Variants in KALRN observed in about 807,000 individuals in gnomAD.
KALRN encodes kalirin RhoGEF kinase.
Under a neutral mutation model 353.7 loss-of-function variants are expected in KALRN, and 70 were observed. That is an observed-to-expected ratio of 0.20 (90% CI 0.16 to 0.24). KALRN has a LOEUF of 0.24. Ranked by LOEUF, KALRN falls within the 10% of genes least tolerant of loss-of-function variation. The probability of loss-of-function intolerance (pLI) is 1.00; values close to 1 mark genes in which losing one functional copy is unlikely to be tolerated. For missense variants in KALRN, 2,791 were observed against 3,756.7 expected (o/e 0.74, Z 6.72); for synonymous variants, 1,391 against 1,434.8 (o/e 0.97, Z 0.69).
intron 11 of KALRN, among the ~76,000 whole-genome samples, chr3:124,392,779 A>AT (rs1426612136): frequency 9.3e-5 from 13 of 140,272 alleles, no homozygotes; most frequent in Admixed American, 2.2e-4. Flanking sequence ...TAATTTTTGT[A>AT]TTTTTTTTTA....
At chr3:124,622,689 T>G (rs113401312) in intron 34 of KALRN, among the ~76,000 whole-genome samples, 2,119 of 152,272 alleles carry the variant, frequency 0.014, 54 homozygotes, top group African/African-American at 0.048. Context: ...CTATTAGAAT[T>G]ATCTTCTTTT....
chr3:124,454,620 C>G (rs78106643), intron 21 of KALRN, among the ~76,000 whole-genome samples: 1 of 152,028 alleles, frequency 6.6e-6, no homozygotes, highest in African/African-American at 2.4e-5. Context: ...ATCAGCCCTC[C>G]GTATCTACAG....
At chr3:124,372,769 C>T (rs940540388) in intron 10 of KALRN, among the ~76,000 whole-genome samples, 3 of 152,184 alleles carry the variant, frequency 2.0e-5, no homozygotes, top group Non-Finnish European at 4.4e-5. Context: ...CTATAACCCA[C>T]AGTTACTATT....
intron 27 of KALRN, among the ~76,000 whole-genome samples, chr3:124,479,944 C>T (rs948598507): frequency 2.6e-5 from 4 of 152,042 alleles, no homozygotes; most frequent in African/African-American, 4.8e-5. Context: ...AGGATGGTCT[C>T]GATCTCCTGA....
intron 35 of KALRN, 151 bp from the exon 36 acceptor site, chr3:124,633,701 C>T (rs2081045999): frequency 3.2e-6 from 2 of 619,166 alleles, no homozygotes; most frequent in Non-Finnish European, 5.8e-6. Flanking sequence ...GCAGGTGTAT[C>T]CATGTATCAA....
chr3:124,664,358 T>TGCGCGC (rs1381474899), intron 45 of KALRN, among the ~76,000 whole-genome samples: 2 of 123,116 alleles, frequency 1.6e-5, no homozygotes, highest in Admixed American at 8.4e-5. Context: ...TGTGTGTGTG[T>TGCGCGC]GTGTGTGTGT....
At chr3:124,588,848 A>G (rs1053577733) in intron 34 of KALRN, among the ~76,000 whole-genome samples, 2 of 152,174 alleles carry the variant, frequency 1.3e-5, no homozygotes, top group African/African-American at 2.4e-5. Flanking sequence ...ATACTTGTTT[A>G]TTGCTGTATC....
chr3:124,482,424 T>C (rs1156759942), intron 27 of KALRN, among the ~76,000 whole-genome samples: 1 of 152,204 alleles, frequency 6.6e-6, no homozygotes, highest in Non-Finnish European at 1.5e-5. Flanking sequence ...CTGCCTTCCC[T>C]GTACTCTCAT....
chr3:124,571,908 G>A (rs1165586037), intron 34 of KALRN, among the ~76,000 whole-genome samples: 1 of 151,850 alleles, frequency 6.6e-6, no homozygotes, highest in African/African-American at 2.4e-5. Flanking sequence ...GATTACAGGT[G>A]TGAGCCACTG....
At chr3:124,174,609 C>T (rs1664262459) in intron 1 of KALRN, among the ~76,000 whole-genome samples, 1 of 152,164 alleles carries the variant, frequency 6.6e-6, no homozygotes, top group Non-Finnish European at 1.5e-5. Flanking sequence ...GGCAAGGTGC[C>T]CAGAAGTCCT....
At chr3:124,428,144 G>A (rs184430621) in intron 15 of KALRN, among the ~76,000 whole-genome samples, 53 of 152,272 alleles carry the variant, frequency 3.5e-4, no homozygotes, top group African/African-American at 1.1e-3. Flanking sequence ...GAACCTGGAA[G>A]ATTAAAAATA....
intron 33 of KALRN, chr3:124,518,608 T>A: frequency 6.5e-7 from 1 of 1,539,568 alleles, no homozygotes; most frequent in Non-Finnish European, 8.7e-7. Flanking sequence ...GAGGGCAACA[T>A]GTTCCAAGCA....
intron 19 of KALRN, 150 bp downstream of exon 19, chr3:124,442,209 TG>T: frequency 2.0e-6 from 1 of 494,840 alleles, no homozygotes; most frequent in Non-Finnish European, 3.6e-6. Context: ...TGGGCAGTAA[TG>T]ATTCATGGTC....
intron 34 of KALRN, among the ~76,000 whole-genome samples, chr3:124,630,459 C>T (rs1330786170): frequency 1.3e-5 from 2 of 152,036 alleles, no homozygotes; most frequent in African/African-American, 2.4e-5. Context: ...TGCAGTGGTG[C>T]GATCTTGGCT....
chr3:124,684,494 C>A (rs1222765956), intron 51 of KALRN, among the ~76,000 whole-genome samples: 4 of 152,158 alleles, frequency 2.6e-5, no homozygotes, highest in Non-Finnish European at 5.9e-5. Context: ...GAACAGGAGT[C>A]AAAAACCTGG....
At chr3:124,261,436 C>G (rs192362956) in intron 3 of KALRN, among the ~76,000 whole-genome samples, 2 of 152,304 alleles carry the variant, frequency 1.3e-5, no homozygotes. Context: ...TTACTTGAAA[C>G]CAAACACACA....
intron 1 of KALRN, among the ~76,000 whole-genome samples, chr3:124,113,057 G>A (rs921754285): frequency 2.0e-5 from 3 of 152,214 alleles, no homozygotes; most frequent in African/African-American, 4.8e-5. Flanking sequence ...GTCAAGCCCA[G>A]TGACGAGGTT....
intron 8 of KALRN, among the ~76,000 whole-genome samples, chr3:124,331,838 A>G (rs114401670): frequency 0.012 from 1,867 of 152,286 alleles, 27 homozygotes; most frequent in Non-Finnish European, 0.02. Flanking sequence ...CTCCAAGCCC[A>G]CTTCAGAGGC....
At chr3:124,410,089 A>G (rs947737482) in intron 13 of KALRN, 5 of 413,538 alleles carry the variant, frequency 1.2e-5, no homozygotes, top group South Asian at 7.3e-5. Flanking sequence ...TAGAAACACC[A>G]GGTACAGAAT....
Sources: gnomAD v4.1 joint callset for allele counts (sites outside exome capture counted in the v4.1 genomes callset) on GRCh38, gnomAD v4.1.1 for gene constraint, MANE v1.5 for transcripts, NCBI Gene and HGNC (gene_info 2026-07-23, HGNC 2026-07-21) for gene names.